NIPAL3: variants seen among roughly 807,000 people sequenced by gnomAD.
The protein encoded by NIPAL3 is NIPA like domain containing 3.
NIPAL3 carries 41 observed loss-of-function variants against 47.2 expected under a neutral mutation model. That is an observed-to-expected ratio of 0.87 (90% CI 0.68 to 1.13). The LOEUF is 1.13. Among genes scored for constraint, NIPAL3 ranks in the 50% most tolerant of loss-of-function variants. The probability of loss-of-function intolerance (pLI) is 0.00; values close to 1 mark genes in which losing one functional copy is unlikely to be tolerated. For missense variants in NIPAL3, 449 were observed against 530.1 expected (o/e 0.85, Z 1.50); for synonymous variants, 194 against 209.6 (o/e 0.93, Z 0.64).
intron 3 of NIPAL3, 75 bp downstream of exon 3, chr1:24,440,315 C>A: frequency 8.4e-7 from 1 of 1,188,202 alleles, no homozygotes; most frequent in Non-Finnish European, 1.2e-6. Flanking sequence ...CCAGGTCCAG[C>A]TGCCTCCTCT....
intron 5 of NIPAL3, among the ~76,000 whole-genome samples, chr1:24,448,552 TG>T (rs1645781700): frequency 6.6e-6 from 1 of 152,220 alleles, no homozygotes; most frequent in Non-Finnish European, 1.5e-5. Flanking sequence ...TTATTTTATT[TG>T]TTTTTTTAGT....
chr1:24,459,393 A>G (rs1646367594), intron 9 of NIPAL3, among the ~76,000 whole-genome samples: 1 of 152,202 alleles, frequency 6.6e-6, no homozygotes, highest in Non-Finnish European at 1.5e-5. Context: ...GCACTGCAAC[A>G]TCATCAATGC....
intron 8 of NIPAL3, 95 bp from the exon 9 acceptor site, chr1:24,458,793 T>C: frequency 1.1e-6 from 1 of 921,372 alleles, no homozygotes. Context: ...CCTAAATGTA[T>C]CATCTTCATA....
intron 10 of NIPAL3, among the ~76,000 whole-genome samples, chr1:24,461,387 CA>C: frequency 6.6e-6 from 1 of 151,216 alleles, no homozygotes; most frequent in Non-Finnish European, 1.5e-5. Flanking sequence ...ACTAAAAATA[CA>C]AAAATTAGTT....
chr1:24,423,997 A>G (rs1042046067), intron 2 of NIPAL3, among the ~76,000 whole-genome samples: 1 of 152,226 alleles, frequency 6.6e-6, no homozygotes, highest in Non-Finnish European at 1.5e-5. Context: ...TGAATGCCAA[A>G]TGGACAAATA....
chr1:24,425,653 C>G (rs1233445245), intron 2 of NIPAL3, among the ~76,000 whole-genome samples: 1 of 152,160 alleles, frequency 6.6e-6, no homozygotes, highest in African/African-American at 2.4e-5. Flanking sequence ...CTGTGTGGCC[C>G]AGGCTGAGTG....
intron 3 of NIPAL3, among the ~76,000 whole-genome samples, chr1:24,440,923 TC>T (rs1645352908): frequency 6.6e-6 from 1 of 152,078 alleles, no homozygotes; most frequent in Non-Finnish European, 1.5e-5. Flanking sequence ...TGGGACTGAG[TC>T]CCAGTTGCCC....
At chr1:24,419,196 C>A in intron 1 of NIPAL3, 95 bp from the exon 2 acceptor site, 1 of 583,910 alleles carries the variant, frequency 1.7e-6, no homozygotes, top group Non-Finnish European at 2.2e-6. Context: ...TGGCCGGTTA[C>A]GTTTTATCTG....
chr1:24,460,715 A>ATCT lies in NIPAL3; in HGVS notation c.926+174_926+176dup, dbSNP rs541410599. Among the ~76,000 whole-genome samples the ATCT allele has an allele frequency of 3.9e-5, 6 of 152,184 alleles. No homozygotes were observed. In the South Asian group the frequency reaches 1.2e-3, roughly 32 times the overall value. ...AGCGTTTTATTCCTCTAAGGGCTTT[A>ATCT]TCTTCCCCTTCTCTTTTGGACTCTA... On this transcript the variant is annotated intron_variant, in intron 10 of 11. Coordinates refer to ENST00000374399, the MANE Select transcript of NIPAL3 (RefSeq NM_020448.5).
rs753632884 is a variant in NIPAL3 at position 24,440,189 on chromosome 1, C to G, written c.111C>G (p.Ala37=). The change falls in exon 3 of 12, where the codon GCC becomes GCG. Residue 37 remains alanine, a synonymous_variant. Transcript: ENST00000374399. ...SFSYKENLIG[A]LLAIFGHLVV... ...CCTTACAGGAAAACCTGATTGGCGC[C>G]CTCTTGGCGATCTTCGGGCACCTCG... is the stretch of plus-strand genomic sequence containing the variant. 6.3e-7 allele frequency: 1 copy of G among 1,590,538 alleles called. No individual in the cohort carries two copies. Among genetic ancestry groups the G allele is most frequent in the Admixed American group, 1.8e-5 (1 of 56,104 alleles).
intron 11 of NIPAL3, among the ~76,000 whole-genome samples, chr1:24,467,659 C>T (rs1298555553): frequency 6.6e-6 from 1 of 152,166 alleles, no homozygotes; most frequent in Non-Finnish European, 1.5e-5. Context: ...CTATTTGGAA[C>T]AGTATCTGCC....
chr1:24,423,379 G>GCCTGTAAT (rs1644420795), intron 2 of NIPAL3, among the ~76,000 whole-genome samples: 1 of 152,166 alleles, frequency 6.6e-6, no homozygotes, highest in Non-Finnish European at 1.5e-5. Context: ...AGGCACTCAC[G>GCCTGTAAT]CCTGTAATCC....
chr1:24,462,220 T>A (rs1443856843), intron 10 of NIPAL3, among the ~76,000 whole-genome samples: 1 of 152,146 alleles, frequency 6.6e-6, no homozygotes. Context: ...ACTGCTCCCA[T>A]GATTCAGTTA....
Position 24,456,426 on chromosome 1 carries a change from G to A in NIPAL3, c.773+153G>A, listed in dbSNP as rs1435608662. 3.9e-5 allele frequency among the ~76,000 whole-genome samples: 6 copies of A among 152,198 alleles called. No individual in the cohort carries two copies. In the East Asian group the frequency reaches 1.2e-3, roughly 29 times the overall value. On this transcript the variant is annotated intron_variant, in intron 8 of 11. Transcript: ENST00000374399. ...GAGAGAGGAGCTGCTAATTTGCTGA[G>A]TTGTCACCTGGAGGGACACCTGCCA...
chr1:24,420,492 A>G (rs981770389), intron 2 of NIPAL3, among the ~76,000 whole-genome samples: 3 of 151,992 alleles, frequency 2.0e-5, no homozygotes, highest in African/African-American at 7.3e-5. Flanking sequence ...GTGACAGAGC[A>G]AGACCCTGAT....
Position 24,469,618 on chromosome 1 carries a change from C to A in NIPAL3, c.*433C>A. On this transcript the variant is annotated 3_prime_UTR_variant, in exon 12 of 12. Transcript: ENST00000374399. ...CGTCTTCCTCCACCTCATGTGCATGCCTGATCTCACCCTGACACTCCTGAT... is the reference window on the plus strand; with the variant it reads ...CGTCTTCCTCCACCTCATGTGCATGACTGATCTCACCCTGACACTCCTGAT... 1 of 164,450 alleles carries A rather than the reference C, an allele frequency of 6.1e-6. No individual in the cohort carries two copies. Among genetic ancestry groups the A allele is most frequent in the Non-Finnish European group, 1.3e-5 (1 of 74,938 alleles). The allele number at this position is 164,450 out of a possible 1,614,324, so 10.2% of individuals were successfully genotyped here.
chr1:24,449,447 G>A lies in NIPAL3; in HGVS notation c.395-34G>A, dbSNP rs1176292219. The A allele has an allele frequency of 1.2e-6, 2 of 1,609,792 alleles. No homozygotes were observed. The highest frequency in any genetic ancestry group is 3.3e-5 in the Admixed American group (2 of 59,956). On this transcript the variant is annotated intron_variant, in intron 5 of 11. Coordinates refer to ENST00000374399, the MANE Select transcript of NIPAL3 (RefSeq NM_020448.5). The surrounding 1 kb of genome is among the most constrained non-coding windows in gnomAD (Gnocchi z 4.5). The stretch of plus-strand genomic sequence containing the variant: ...TGTACTGTATCTTGGGCCTGTTGTT[G>A]CAATGAGTCCGTGACAGCCTCTCTT...
intron 5 of NIPAL3, among the ~76,000 whole-genome samples, chr1:24,445,772 C>CT (rs1453084353): frequency 6.6e-6 from 1 of 152,134 alleles, no homozygotes; most frequent in East Asian, 1.9e-4. Context: ...AGTGGAGACA[C>CT]TTAGCCAGAA....
chr1:24,434,041 GA>G (rs1170096110), intron 2 of NIPAL3, among the ~76,000 whole-genome samples: 1 of 151,694 alleles, frequency 6.6e-6, no homozygotes, highest in Non-Finnish European at 1.5e-5. Flanking sequence ...AGGAATTGAG[GA>G]AAAAAAGAGA....
Sources: allele counts gnomAD v4.1 joint callset (sites outside exome capture counted in the v4.1 genomes callset), GRCh38; gene constraint gnomAD v4.1.1; non-coding constraint Gnocchi (gnomAD v3.1); transcripts MANE v1.5; gene names NCBI Gene and HGNC (gene_info 2026-07-23, HGNC 2026-07-21).